FBXL16: variants seen among roughly 807,000 people sequenced by gnomAD.
FBXL16 encodes F-box/LRR-repeat protein 16.
Under a neutral mutation model 36.7 loss-of-function variants are expected in FBXL16, and 7 were observed. The ratio of observed to expected loss-of-function variants is 0.19; its 90% CI spans 0.11 to 0.36. The LOEUF (loss-of-function observed/expected upper bound fraction) is 0.36, where lower values mean the gene tolerates loss of function less well. FBXL16 is among the 10% of genes least tolerant of loss of function. The pLI is 1.00. For synonymous variants in FBXL16, 355 were observed against 308.7 expected (o/e 1.15, Z -1.57); for missense variants, 463 against 659.4 (o/e 0.70, Z 3.26).
chr16:701,645 C>G (rs2040058305), intron 1 of FBXL16, among the ~76,000 whole-genome samples: 1 of 150,622 alleles, frequency 6.6e-6, no homozygotes, highest in African/African-American at 2.4e-5. Context: ...GGAGCCGGTT[C>G]CCATGGCTCA....
chr16:696,709 T>TC, intron 2 of FBXL16, 64 bp downstream of exon 2: 1 of 1,406,880 alleles, frequency 7.1e-7, no homozygotes, highest in South Asian at 1.6e-5. Flanking sequence ...CGCTCCCACC[T>TC]CCATAGGGTT....
Position 695,820 on chromosome 16 carries a change from G to A in FBXL16, c.737C>T (p.Ser246Leu). The change falls in exon 3 of 6, where the codon TCG (serine) becomes TTG (leucine). Residue 246 changes from serine to leucine, a missense_variant. Ser to Leu is a moderately radical substitution (Grantham distance 145). Transcript: ENST00000397621. Reference protein sequence around the residue: ...LWSSLSARITSLSVSDCINVA... With the variant: ...LWSSLSARITLLSVSDCINVA... ...GTTGATGCAGTCACTCACGCTCAGC[G>A]AGGTGATGCGCGCGCTCAGGCTGGA... 1.2e-6 allele frequency: 2 copies of A among 1,608,872 alleles called. No homozygotes were observed. The highest frequency in any genetic ancestry group is 1.7e-6 in the Non-Finnish European group (2 of 1,178,430).
intron 1 of FBXL16, among the ~76,000 whole-genome samples, chr16:703,377 G>A (rs2040070229): frequency 6.6e-6 from 1 of 152,076 alleles, no homozygotes; most frequent in African/African-American, 2.4e-5. Context: ...ATCTCTGTCA[G>A]CACCAGACTG....
Position 697,229 on chromosome 16 carries a change from G to A in FBXL16, c.177C>T (p.Ser59=), listed in dbSNP as rs1232948405. 2 of 1,493,036 alleles carry A rather than the reference G, an allele frequency of 1.3e-6. No homozygotes were observed. Among genetic ancestry groups the A allele is most frequent in the East Asian group, 2.5e-5 (1 of 40,372 alleles). 92.5% of individuals were successfully genotyped at this position (1,493,036 alleles called of 1,614,324 possible). ...CAGCCCGGGACAGTGGAGCAGCCAGGCTGGGTGGTGGGAGGGTGGGTGGGG... is the reference window on the plus strand; with the variant it reads ...CAGCCCGGGACAGTGGAGCAGCCAGACTGGGTGGTGGGAGGGTGGGTGGGG... ...PPPPPTLPPP[S]LAAPLSRAAL... Residue 59 remains serine (S), a synonymous_variant, in exon 2 of 6, where the codon AGC becomes AGT. Coordinates refer to ENST00000397621, the MANE Select transcript of FBXL16 (RefSeq NM_153350.4). The surrounding 1 kb of genome is among the most constrained non-coding windows in gnomAD (Gnocchi z 4.6).
chr16:695,180 C>A (rs2040000839), intron 3 of FBXL16, 104 bp from the exon 4 acceptor site: 1 of 1,282,840 alleles, frequency 7.8e-7, no homozygotes, highest in East Asian at 2.8e-5. Context: ...CTGCCCCACC[C>A]GGAGCAGCCG....
intron 5 of FBXL16, 56 bp downstream of exon 5, chr16:694,578 G>C (rs1005000815): frequency 5.3e-5 from 83 of 1,554,544 alleles, no homozygotes; most frequent in Non-Finnish European, 7.1e-5. Flanking sequence ...TGGGCGGGTG[G>C]ACTAAGTGGG....
chr16:694,818 G>A, intron 4 of FBXL16, 121 bp from the exon 5 acceptor site: 5 of 1,310,436 alleles, frequency 3.8e-6, no homozygotes, highest in Non-Finnish European at 5.3e-6. Flanking sequence ...CCCGGAGCCG[G>A]GAGGCGGCTG....
rs1349106397 is a variant in FBXL16 at position 694,262 on chromosome 16, CG to C, written c.*12del. On this transcript the variant is annotated 3_prime_UTR_variant, in exon 6 of 6. Coordinates refer to ENST00000397621, the MANE Select transcript of FBXL16 (RefSeq NM_153350.4). ...CATGGCCGGGTTCCCGCGACCGGGG[CG>C]GGGGCCTCGCGCTACTCAATGACGA... The C allele has an allele frequency of 8.1e-6, 11 of 1,362,820 alleles. No homozygotes were observed. Among genetic ancestry groups the C allele is most frequent in the South Asian group, 6.4e-5 (3 of 47,116 alleles). The allele number at this position is 1,362,820 out of a possible 1,614,324, so 84.4% of individuals were successfully genotyped here.
chr16:696,757 C>G lies in FBXL16; in HGVS notation c.633+16G>C. On this transcript the variant is annotated intron_variant, in intron 2 of 5. Coordinates refer to ENST00000397621, the MANE Select transcript of FBXL16 (RefSeq NM_153350.4). ...CCCTGCCCCCCAGCCCTGTCCCCCC[C>G]GAGCCTGGTGCACACCTCGAGGCCT... The G allele has an allele frequency of 1.4e-6, 2 of 1,427,162 alleles. No individual in the cohort carries two copies. The highest frequency in any genetic ancestry group is 1.4e-5 in the South Asian group (1 of 73,106). The allele number at this position is 1,427,162 out of a possible 1,614,324, so 88.4% of individuals were successfully genotyped here.
At chr16:703,395 G>C (rs1261621384) in intron 1 of FBXL16, among the ~76,000 whole-genome samples, 1 of 152,108 alleles carries the variant, frequency 6.6e-6, no homozygotes, top group African/African-American at 2.4e-5. Flanking sequence ...CTGGGGCACA[G>C]CCTAACCAAC....
At position 697,032 on chromosome 16, in the gene FBXL16, C is replaced by T. The variant is rs768193633; in HGVS notation, c.374G>A (p.Arg125Gln). 2.4e-5 allele frequency: 38 copies of T among 1,597,842 alleles called. No homozygotes were observed. The highest frequency in any genetic ancestry group is 1.0e-4 in the Admixed American group (6 of 58,066). ...CVLAQVCKAW[R>Q]RVLYQPKFWA... ...GAACTTGGGCTGGTACAGCACGCGC[C>T]GCCAGGCCTTGCACACCTGGGCCAG... The change falls in exon 2 of 6, where the codon CGG becomes CAG. Residue 125 changes from arginine to glutamine, a missense_variant. By Grantham distance (43) the Arg-to-Gln change is conservative. Transcript: ENST00000397621. This position sits in a 1 kb window ranked among gnomAD's most constrained non-coding sequence, Gnocchi z 4.6.
Position 697,461 on chromosome 16 carries a change from G to C in FBXL16, c.-14-42C>G. ...GGAGGGGGAGTGAGTCTGTTGCTGAGTCTGGAAGGCCGGGGTTGGGGGCGG... is the reference window on the plus strand; with the variant it reads ...GGAGGGGGAGTGAGTCTGTTGCTGACTCTGGAAGGCCGGGGTTGGGGGCGG... On this transcript the variant is annotated intron_variant, in intron 1 of 5. Transcript: ENST00000397621. The surrounding 1 kb of genome is among the most constrained non-coding windows in gnomAD (Gnocchi z 4.6). 1 of 1,487,606 alleles carries C rather than the reference G, an allele frequency of 6.7e-7. No homozygotes were observed. Among genetic ancestry groups the C allele is most frequent in the Admixed American group, 2.2e-5 (1 of 46,506 alleles). The allele number at this position is 1,487,606 out of a possible 1,614,324, so 92.2% of individuals were successfully genotyped here.
chr16:695,664 G>C lies in FBXL16; in HGVS notation c.893C>G (p.Thr298Arg). 1 of 1,606,530 alleles carries C rather than the reference G, an allele frequency of 6.2e-7. No homozygotes were observed. Among genetic ancestry groups the C allele is most frequent in the Non-Finnish European group, 8.5e-7 (1 of 1,179,392 alleles). ...FTARQGHSTH[T>R]LRLLSCWEIT... ...CTCCCAGCAGGAGAGCAGGCGCAGC[G>C]TGTGCGTGCTGTGGCCCTGGCGCGC... The change falls in exon 3 of 6, where the codon ACG becomes AGG. Residue 298 changes from threonine (T) to arginine (R), a missense_variant. Transcript: ENST00000397621.
At chr16:704,621 C>T (rs1402526425) in intron 1 of FBXL16, among the ~76,000 whole-genome samples, 1 of 152,236 alleles carries the variant, frequency 6.6e-6, no homozygotes, top group African/African-American at 2.4e-5. Flanking sequence ...TCCAGCACCC[C>T]ACAGAGGGGG....
Position 705,732 on chromosome 16 carries a change from C to T in FBXL16, c.-235G>A, listed in dbSNP as rs1383097027. Reference sequence around the variant, plus strand: ...AGAGGATCGGCCGCCCCAAGCCTCCCACCGGGGAGGCTGAGGCTGTGCCCA... The same window carrying T: ...AGAGGATCGGCCGCCCCAAGCCTCCTACCGGGGAGGCTGAGGCTGTGCCCA... On this transcript the variant is annotated 5_prime_UTR_variant, in exon 1 of 6. Coordinates refer to ENST00000397621, the MANE Select transcript of FBXL16 (RefSeq NM_153350.4). 2 of 148,844 alleles carry T rather than the reference C, an allele frequency of 1.3e-5. No individual in the cohort carries two copies. The highest frequency in any genetic ancestry group is 3.0e-5 in the Non-Finnish European group (2 of 66,762). 9.2% of individuals were successfully genotyped at this position (148,844 alleles called of 1,614,324 possible). A position where few individuals can be genotyped will look rare whatever the true frequency, so the allele number is the denominator to read the frequency against.
chr16:694,841 G>T, intron 4 of FBXL16, 144 bp from the exon 5 acceptor site: 2 of 1,243,846 alleles, frequency 1.6e-6, no homozygotes, highest in South Asian at 1.4e-5. Flanking sequence ...AAGTGCTCGT[G>T]GGGGCCGCCG....
chr16:692,740 T>G lies in FBXL16; in HGVS notation c.*1535A>C, dbSNP rs896374990. 1.3e-5 allele frequency: 2 copies of G among 152,436 alleles called. No homozygotes were observed. Among genetic ancestry groups the G allele is most frequent in the African/African-American group, 4.8e-5 (2 of 41,434 alleles). The allele number at this position is 152,436 out of a possible 1,614,324, so 9.4% of individuals were successfully genotyped here. ...CAGTTGCATTAATACTTTGGGCAAA[T>G]GGACAGCTGCCCCTCCCCACTAGGG... On this transcript the variant is annotated 3_prime_UTR_variant, in exon 6 of 6. Coordinates refer to ENST00000397621, the MANE Select transcript of FBXL16 (RefSeq NM_153350.4).
rs555315561 is a variant in FBXL16, at chr16:696,758, G to A, written c.633+15C>T. On this transcript the variant is annotated intron_variant, in intron 2 of 5. Coordinates refer to ENST00000397621, the MANE Select transcript of FBXL16 (RefSeq NM_153350.4). Reference sequence around the variant, plus strand: ...CCTGCCCCCCAGCCCTGTCCCCCCCGAGCCTGGTGCACACCTCGAGGCCTG... The same window carrying A: ...CCTGCCCCCCAGCCCTGTCCCCCCCAAGCCTGGTGCACACCTCGAGGCCTG... 87 of 323,878 alleles carry A rather than the reference G, an allele frequency of 2.7e-4. No homozygotes were observed. The South Asian group carries it at 3.3e-3, about 12-fold the overall frequency. The allele number at this position is 323,878 out of a possible 1,614,324, so 20.1% of individuals were successfully genotyped here. A position where few individuals can be genotyped will look rare whatever the true frequency, so the allele number is the denominator to read the frequency against.
At chr16:700,444 G>A (rs933899301) in intron 1 of FBXL16, among the ~76,000 whole-genome samples, 24 of 152,256 alleles carry the variant, frequency 1.6e-4, no homozygotes, top group African/African-American at 5.8e-4. Flanking sequence ...AGGGCCGGCT[G>A]GGGTCGGCAC....
Sources: gnomAD v4.1 joint callset for allele counts (sites outside exome capture counted in the v4.1 genomes callset) on GRCh38, gnomAD v4.1.1 for gene constraint, Gnocchi (gnomAD v3.1) non-coding constraint, MANE v1.5 for transcripts, NCBI Gene and HGNC (gene_info 2026-07-23, HGNC 2026-07-21) for gene names.